The following MAP3K19 variants were observed in gnomAD, a reference collection of about 807,000 sequenced individuals.
MAP3K19 encodes mitogen-activated protein kinase kinase kinase 19, also known as SPS1/STE20-related protein kinase YSK4.
A neutral mutation model predicts 114.4 loss-of-function variants in MAP3K19; 91 were observed. That is an observed-to-expected ratio of 0.80 (90% confidence interval 0.67 to 0.95). MAP3K19 has a LOEUF of 0.95. MAP3K19 is among the 40% of genes least tolerant of loss of function. MAP3K19 has a pLI of 0.00. For synonymous variants in MAP3K19, 518 were observed against 530.5 expected (o/e 0.98, Z 0.32); for missense variants, 1,471 against 1,573.2 (o/e 0.94, Z 1.10).
At chr2:135,000,111 TAATGATTACAA>T in intron 6 of MAP3K19, 96 bp from the exon 7 acceptor site, 1 of 812,328 alleles carries the variant, frequency 1.2e-6, no homozygotes, top group Non-Finnish European at 2.1e-6. Flanking sequence ...AATCTCTTCT[TAATGATTACAA>T]AATGGACATT....
In MAP3K19 at chr2:134,999,194, C is replaced by CCAT. The variant is rs1686251386; in HGVS notation, c.315-200_315-198dup. ...CTCCTGGCCTCCTTAGCCCTCTGTA[C>CCAT]CATCGCTTGGATGGATTAGGTTTCA... is the stretch of plus-strand genomic sequence containing the variant. On this transcript the variant is annotated intron_variant, in intron 7 of 12. Transcript: ENST00000392915. The surrounding 1 kb of genome is among the most constrained non-coding windows in gnomAD (Gnocchi z 4.1). 6.6e-6 allele frequency among the ~76,000 whole-genome samples: 1 copy of CCAT among 152,190 alleles called. No homozygotes were observed. The highest frequency in any genetic ancestry group is 2.4e-5 in the African/African-American group (1 of 41,454).
intron 8 of MAP3K19, among the ~76,000 whole-genome samples, chr2:134,993,272 A>C (rs1449646441): frequency 6.6e-6 from 1 of 152,206 alleles, no homozygotes; most frequent in Non-Finnish European, 1.5e-5. Flanking sequence ...CACGGAGAGA[A>C]AAAGACTTCT....
At chr2:135,007,971 G>A (rs900487146) in intron 5 of MAP3K19, among the ~76,000 whole-genome samples, 1 of 152,124 alleles carries the variant, frequency 6.6e-6, no homozygotes, top group Non-Finnish European at 1.5e-5. Flanking sequence ...TTTCTCTTAA[G>A]TATTTAAAAA....
Position 134,999,944 on chromosome 2 carries a change from CTT to C in MAP3K19, c.305_306del (p.Lys102ArgfsTer23). On this transcript the variant is annotated frameshift_variant, in exon 7 of 13. Transcript: ENST00000392915. LOFTEE classifies it high-confidence loss of function. This position sits in a 1 kb window ranked among gnomAD's most constrained non-coding sequence, Gnocchi z 4.1. ...TCAAAGAATATTCCTTACTTCTTTT[CTT>C]TTAAGTCTTCTTGGCTCATTTCTTG... is the stretch of plus-strand genomic sequence containing the variant. ...PPQEMSQEDL[K>X]EKNLINSSLQ... The C allele has an allele frequency of 6.2e-7, 1 of 1,604,108 alleles. No individual in the cohort carries two copies. Among genetic ancestry groups the C allele is most frequent in the Non-Finnish European group, 8.5e-7 (1 of 1,171,020 alleles).
intron 5 of MAP3K19, among the ~76,000 whole-genome samples, chr2:135,015,572 C>T (rs1346111598): frequency 6.6e-6 from 1 of 152,028 alleles, no homozygotes; most frequent in Admixed American, 6.6e-5. Flanking sequence ...TCTTTTATGG[C>T]AAGCATTTTT....
intron 5 of MAP3K19, among the ~76,000 whole-genome samples, chr2:135,013,766 C>T (rs531987420): frequency 2.0e-5 from 3 of 152,198 alleles, no homozygotes; most frequent in Admixed American, 6.5e-5. Context: ...CTGCCCCCAC[C>T]CCAATCCCCC....
intron 10 of MAP3K19, among the ~76,000 whole-genome samples, chr2:134,984,033 C>A (rs764416258): frequency 2.6e-5 from 4 of 152,216 alleles, no homozygotes. Context: ...CATTTTAAAA[C>A]CACATCTTGC....
intron 8 of MAP3K19, among the ~76,000 whole-genome samples, chr2:134,993,382 G>C (rs1168025816): frequency 6.6e-6 from 1 of 152,162 alleles, no homozygotes; most frequent in Non-Finnish European, 1.5e-5. Context: ...CATTCCCCTT[G>C]GACACAGCTG....
intron 8 of MAP3K19, among the ~76,000 whole-genome samples, chr2:134,991,850 A>T (rs1444605794): frequency 2.0e-5 from 3 of 152,122 alleles, no homozygotes; most frequent in Non-Finnish European, 4.4e-5. Context: ...ACCATTTATC[A>T]CTCACAGAAC....
At chr2:135,026,604 T>C (rs7558678) in intron 3 of MAP3K19, among the ~76,000 whole-genome samples, 4,122 of 152,228 alleles carry the variant, frequency 0.027, 164 homozygotes, top group African/African-American at 0.092. Flanking sequence ...TTTAGGAAAC[T>C]GCAATTGTAA....
At position 134,988,233 on chromosome 2, in the gene MAP3K19, T is replaced by C. The variant is rs1448245148; in HGVS notation, c.639A>G (p.Ser213=). The change falls in exon 10 of 13, where the codon TCA becomes TCG. Residue 213 remains serine, a synonymous_variant. Coordinates refer to ENST00000392915, the MANE Select transcript of MAP3K19 (RefSeq NM_025052.5). ...GGACACCAGATCGCGTGGGCAAGAG[T>C]GACAGTGGTGGCAGAAGGAACTAAA... ...RSIKFLLPPL[S]LLPTRSGVLT... 5 of 1,574,096 alleles carry C rather than the reference T, an allele frequency of 3.2e-6. No individual in the cohort carries two copies. The highest frequency in any genetic ancestry group is 4.3e-6 in the Non-Finnish European group (5 of 1,165,276).
intron 5 of MAP3K19, among the ~76,000 whole-genome samples, chr2:135,008,612 G>GT (rs1687000956): frequency 6.6e-6 from 1 of 152,026 alleles, no homozygotes. Flanking sequence ...TGAAAAAGTT[G>GT]TTTTTTTGTA....
rs762964930 is a variant in MAP3K19, at chr2:135,021,770, A to G, written c.83T>C (p.Leu28Ser). Residue 28 changes from leucine (L) to serine (S), a missense_variant, in exon 5 of 13, where the codon TTG (leucine) becomes TCG (serine). Physicochemically the swap from Leu to Ser is moderately radical, Grantham distance 145 (BLOSUM62 -2). Coordinates refer to ENST00000392915, the MANE Select transcript of MAP3K19 (RefSeq NM_025052.5). Reference sequence around the variant, plus strand: ...GTTTTGATTTTTGGTAACTGTCATCAAATCAGTTGGAGAAGAGTTTGTATC... The same window carrying G: ...GTTTTGATTTTTGGTAACTGTCATCGAATCAGTTGGAGAAGAGTTTGTATC... Reference protein sequence around the residue: ...CHDTNSSPTDLMTVTKNQNII... With the variant: ...CHDTNSSPTDSMTVTKNQNII... 1 of 1,613,210 alleles carries G rather than the reference A, an allele frequency of 6.2e-7. No homozygotes were observed. Among genetic ancestry groups the G allele is most frequent in the Admixed American group, 1.7e-5 (1 of 59,884 alleles).
chr2:135,024,859 G>C (rs1055403640), intron 3 of MAP3K19, 118 bp from the exon 4 acceptor site: 34 of 494,744 alleles, frequency 6.9e-5, no homozygotes, highest in Non-Finnish European at 1.1e-4. Context: ...ATGTAGTTTG[G>C]GGATAATAAT....
intron 8 of MAP3K19, among the ~76,000 whole-genome samples, chr2:134,994,134 T>A (rs1685819458): frequency 6.6e-6 from 1 of 152,224 alleles, no homozygotes; most frequent in Middle Eastern, 3.4e-3. Flanking sequence ...TTAAAAAACA[T>A]GTAAATAAGG....
intron 3 of MAP3K19, among the ~76,000 whole-genome samples, chr2:135,025,362 A>T (rs1027087845): frequency 7.0e-6 from 1 of 143,754 alleles, no homozygotes; most frequent in Non-Finnish European, 1.5e-5. Flanking sequence ...GCCTCTCCAC[A>T]TGGCCTTTTC....
chr2:135,007,849 G>A (rs779391359), intron 5 of MAP3K19, among the ~76,000 whole-genome samples: 16 of 151,796 alleles, frequency 1.1e-4, no homozygotes, highest in Non-Finnish European at 8.8e-5. Flanking sequence ...ATTCTTCCTA[G>A]AACATACAAA....
intron 9 of MAP3K19, 35 bp downstream of exon 9, chr2:134,991,502 A>G (rs1266484017): frequency 5.7e-6 from 9 of 1,588,200 alleles, no homozygotes; most frequent in African/African-American, 4.0e-5. Flanking sequence ...GTTTGGTTTT[A>G]ATTCTCAAGT....
chr2:134,968,589 C>T (rs1467232939), intron 12 of MAP3K19, among the ~76,000 whole-genome samples: 1 of 151,296 alleles, frequency 6.6e-6, no homozygotes, highest in Non-Finnish European at 1.5e-5. Flanking sequence ...CCTCACTTCT[C>T]AGACGGGGCG....
Sources: allele counts gnomAD v4.1 joint callset (sites outside exome capture counted in the v4.1 genomes callset), GRCh38; gene constraint gnomAD v4.1.1; non-coding constraint Gnocchi (gnomAD v3.1); transcripts MANE v1.5; gene names NCBI Gene and HGNC (gene_info 2026-07-23, HGNC 2026-07-21).